Variants in GKAP1 observed in about 807,000 individuals in gnomAD.
The protein encoded by GKAP1 is G kinase-anchoring protein 1.
Under a neutral mutation model 56.7 loss-of-function variants are expected in GKAP1, and 31 were observed. That is an observed-to-expected ratio of 0.55 (90% CI 0.41 to 0.74). The LOEUF (loss-of-function observed/expected upper bound fraction) is 0.74. Among genes scored for constraint, GKAP1 ranks in the 30% least tolerant of loss-of-function variants. The pLI is 0.00. For missense variants in GKAP1, 364 were observed against 402.3 expected (o/e 0.90, Z 0.82); for synonymous variants, 151 against 138.6 (o/e 1.09, Z -0.63).
At chr9:83,795,289 ACAC>A (rs2131307032) in intron 4 of GKAP1, among the ~76,000 whole-genome samples, 2 of 152,258 alleles carry the variant, frequency 1.3e-5, no homozygotes, top group East Asian at 3.9e-4. Context: ...GTATCACATG[ACAC>A]TCATTTCAAT....
chr9:83,806,020 G>A (rs1435791780), intron 3 of GKAP1, among the ~76,000 whole-genome samples: 1 of 152,104 alleles, frequency 6.6e-6, no homozygotes, highest in Non-Finnish European at 1.5e-5. Context: ...GGGAGGCTAA[G>A]GTGTGAGGCT....
At chr9:83,758,317 T>C (rs1294187834) in intron 8 of GKAP1, among the ~76,000 whole-genome samples, 1 of 152,194 alleles carries the variant, frequency 6.6e-6, no homozygotes, top group East Asian at 1.9e-4. Context: ...ACTTACAGCA[T>C]GTTGATTTGG....
chr9:83,784,671 T>G, intron 6 of GKAP1, 44 bp downstream of exon 6: 1 of 1,360,226 alleles, frequency 7.4e-7, no homozygotes, highest in Non-Finnish European at 1.0e-6. Flanking sequence ...ATAAAACAGA[T>G]GTAGAATAGT....
intron 2 of GKAP1, among the ~76,000 whole-genome samples, chr9:83,812,932 T>G (rs1944532605): frequency 6.6e-6 from 1 of 152,170 alleles, no homozygotes; most frequent in African/African-American, 2.4e-5. Context: ...TTTCAGAATT[T>G]TCAAAAAGAT....
chr9:83,789,004 G>A, intron 4 of GKAP1: 1 of 178,012 alleles, frequency 5.6e-6, no homozygotes, highest in Non-Finnish European at 1.2e-5. Context: ...TTCAGTTTAG[G>A]ACACTAAAAA....
At chr9:83,788,730 G>T in intron 4 of GKAP1, 52 bp from the exon 5 acceptor site, 2 of 1,072,070 alleles carry the variant, frequency 1.9e-6, no homozygotes, top group Non-Finnish European at 1.4e-6. Context: ...CATCACATGA[G>T]CAAAATAACC....
At chr9:83,814,805 T>C (rs1183567386) in intron 2 of GKAP1, among the ~76,000 whole-genome samples, 1 of 152,270 alleles carries the variant, frequency 6.6e-6, no homozygotes, top group Non-Finnish European at 1.5e-5. Context: ...AGTTGTTTCA[T>C]TACGGTAAGT....
At chr9:83,774,702 CTTTTTTT>C (rs1168792305) in intron 7 of GKAP1, among the ~76,000 whole-genome samples, 2 of 104,902 alleles carry the variant, frequency 1.9e-5, no homozygotes, top group Non-Finnish European at 3.7e-5. Context: ...CAGAAACCCC[CTTTTTTT>C]TTTTTTTTTT....
At chr9:83,791,700 T>C (rs1944162746) in intron 4 of GKAP1, among the ~76,000 whole-genome samples, 1 of 152,232 alleles carries the variant, frequency 6.6e-6, no homozygotes, top group Non-Finnish European at 1.5e-5. Flanking sequence ...CAGCATAAAT[T>C]TGGCTTTTGC....
chr9:83,814,014 C>T (rs1348508851), intron 2 of GKAP1, among the ~76,000 whole-genome samples: 1 of 152,032 alleles, frequency 6.6e-6, no homozygotes, highest in Non-Finnish European at 1.5e-5. Flanking sequence ...GTGGTAGGAT[C>T]ACCTGAGCCT....
At chr9:83,780,319 G>T in intron 7 of GKAP1, 63 bp downstream of exon 7, 1 of 949,182 alleles carries the variant, frequency 1.1e-6, no homozygotes, top group Non-Finnish European at 1.6e-6. Context: ...TTACTGCTAA[G>T]TATTTAAGTA....
At position 83,779,508 on chromosome 9, in the gene GKAP1, T is replaced by TATACACATATACAC. The variant is rs1564201667; in HGVS notation, c.585+873_585+874insGTGTATATGTGTAT. Among the ~76,000 whole-genome samples the TATACACATATACAC allele has an allele frequency of 6.2e-5, 8 of 129,158 alleles. No individual in the cohort carries two copies. The East Asian group carries it at 9.6e-4, about 15-fold the overall frequency. The allele number at this position is 129,158 out of a possible 152,430, so 84.7% of individuals were successfully genotyped here. A position where few individuals can be genotyped will look rare whatever the true frequency, so the allele number is the denominator to read the frequency against. ...ACATATATACACATATACACATATA[T>TATACACATATACAC]GTGTATATATATACACGTGTATATG... On this transcript the variant is annotated intron_variant, in intron 7 of 12. Coordinates refer to ENST00000376371, the MANE Select transcript of GKAP1 (RefSeq NM_025211.4).
chr9:83,764,237 T>A (rs932195141), intron 8 of GKAP1, among the ~76,000 whole-genome samples: 1 of 152,134 alleles, frequency 6.6e-6, no homozygotes, highest in Non-Finnish European at 1.5e-5. Flanking sequence ...AGTGTCAAGG[T>A]GAAACTAGGT....
At chr9:83,782,688 T>G (rs1943995667) in intron 6 of GKAP1, among the ~76,000 whole-genome samples, 1 of 139,132 alleles carries the variant, frequency 7.2e-6, no homozygotes, top group South Asian at 2.3e-4. Context: ...TTTTTAAAGA[T>G]GAAGTCTCAC....
chr9:83,791,163 G>A (rs1337833771), intron 4 of GKAP1, among the ~76,000 whole-genome samples: 1 of 152,174 alleles, frequency 6.6e-6, no homozygotes. Context: ...AGCACTTTGG[G>A]AGGCCGAGAC....
chr9:83,756,817 C>T (rs1028618514), intron 8 of GKAP1, among the ~76,000 whole-genome samples: 5 of 152,124 alleles, frequency 3.3e-5, no homozygotes, highest in African/African-American at 1.2e-4. Context: ...CTTATTTTTG[C>T]CATTATCATT....
chr9:83,793,678 A>T (rs1944199799), intron 4 of GKAP1, among the ~76,000 whole-genome samples: 1 of 152,262 alleles, frequency 6.6e-6, no homozygotes, highest in African/African-American at 2.4e-5. Flanking sequence ...TGCAACTTAT[A>T]AAAACACAAT....
chr9:83,776,229 G>GT lies in GKAP1; in HGVS notation c.585+4152dup, dbSNP rs1424061366. On this transcript the variant is annotated intron_variant, in intron 7 of 12. Coordinates refer to ENST00000376371, the MANE Select transcript of GKAP1 (RefSeq NM_025211.4). ...TTATAACCAAAGAGAGCTAACAAAT[G>GT]TAACACATACAAACAAGGAAAGGCT... Among the ~76,000 whole-genome samples, 9 of 152,122 alleles carry GT rather than the reference G, an allele frequency of 5.9e-5. No homozygotes were observed. The South Asian group carries it at 1.4e-3, about 24-fold the overall frequency.
chr9:83,750,825 C>A (rs1348441940), intron 9 of GKAP1, among the ~76,000 whole-genome samples: 6 of 151,948 alleles, frequency 3.9e-5, no homozygotes, highest in Non-Finnish European at 5.9e-5. Context: ...ATTTTTAATG[C>A]CCTCTCTATT....
Sources: allele counts gnomAD v4.1 joint callset (sites outside exome capture counted in the v4.1 genomes callset), GRCh38; gene constraint gnomAD v4.1.1; transcripts MANE v1.5; gene names NCBI Gene and HGNC (gene_info 2026-07-23, HGNC 2026-07-21).